Variants in LINGO2 observed in about 807,000 individuals in gnomAD.
LINGO2 encodes the protein leucine-rich repeat and immunoglobulin-like domain-containing nogo receptor-interacting protein 2.
A neutral mutation model predicts 30.6 loss-of-function variants in LINGO2; 14 were observed. The observed-to-expected ratio is 0.46, with a 90% confidence interval of 0.30 to 0.72. The LOEUF (loss-of-function observed/expected upper bound fraction) is 0.72, where lower values mean the gene tolerates loss of function less well. Among genes scored for constraint, LINGO2 ranks in the 30% least tolerant of loss-of-function variants. The pLI, the probability that LINGO2 is intolerant of heterozygous loss-of-function variation, is 0.07. For missense variants in LINGO2, 729 were observed against 751.7 expected (o/e 0.97, Z 0.35); for synonymous variants, 317 against 288.5 (o/e 1.10, Z -1.00).
intron 1 of LINGO2, among the ~76,000 whole-genome samples, chr9:28,656,938 T>G (rs750238788): frequency 1.3e-5 from 2 of 152,092 alleles, no homozygotes; most frequent in Non-Finnish European, 2.9e-5. Flanking sequence ...CAAATAACTC[T>G]GCGGATAGAT....
intron 5 of LINGO2, among the ~76,000 whole-genome samples, chr9:27,976,754 A>G (rs554149811): frequency 4.5e-4 from 68 of 152,210 alleles, no homozygotes; most frequent in Admixed American, 7.2e-4. Context: ...ATTAAGTTTT[A>G]GGAAGGTGAT....
chr9:28,214,680 C>G (rs1407732076), intron 4 of LINGO2, among the ~76,000 whole-genome samples: 4 of 151,488 alleles, frequency 2.6e-5, no homozygotes, highest in Non-Finnish European at 5.9e-5. Context: ...ACTAATGTAG[C>G]TATTTTATAT....
chr9:29,068,965 A>G, the LINGO2 span, among the ~76,000 whole-genome samples: 1 of 151,894 alleles, frequency 6.6e-6, no homozygotes, highest in African/African-American at 2.4e-5. Flanking sequence ...ATCTAGAACC[A>G]AAAAAGGTTC....
the LINGO2 span, among the ~76,000 whole-genome samples, chr9:28,810,236 T>C: frequency 9.8e-5 from 15 of 152,324 alleles, no homozygotes; most frequent in Non-Finnish European, 1.5e-4. Context: ...TGTGTTTTAT[T>C]TGCATGGTGA....
chr9:28,503,390 T>C (rs1004724573), intron 1 of LINGO2, among the ~76,000 whole-genome samples: 1 of 152,088 alleles, frequency 6.6e-6, no homozygotes, highest in African/African-American at 2.4e-5. Context: ...TTAAAAAGTC[T>C]ATTGATTGTG....
intron 1 of LINGO2, among the ~76,000 whole-genome samples, chr9:28,486,167 C>T (rs7036530): frequency 0.021 from 3,249 of 152,148 alleles, 101 homozygotes; most frequent in East Asian, 0.099. Flanking sequence ...TCCAGCACGT[C>T]CAGACTACTG....
intron 3 of LINGO2, among the ~76,000 whole-genome samples, chr9:28,353,387 A>C (rs1224490031): frequency 1.7e-3 from 255 of 150,732 alleles, no homozygotes; most frequent in African/African-American, 5.9e-3. Flanking sequence ...ATGCAGCCAA[A>C]AAACACATGA....
the LINGO2 span, among the ~76,000 whole-genome samples, chr9:28,953,755 G>T: frequency 6.6e-6 from 1 of 152,118 alleles, no homozygotes; most frequent in East Asian, 1.9e-4. Flanking sequence ...ATACTTCTTT[G>T]ATAGCATAGC....
chr9:28,307,920 G>A (rs1824436740), intron 3 of LINGO2, among the ~76,000 whole-genome samples: 1 of 152,104 alleles, frequency 6.6e-6, no homozygotes, highest in East Asian at 1.9e-4. Flanking sequence ...ACTGCTCAAT[G>A]AAACAAAGGA....
the LINGO2 span, among the ~76,000 whole-genome samples, chr9:29,060,425 T>A: frequency 3.3e-5 from 5 of 152,052 alleles, no homozygotes; most frequent in African/African-American, 1.2e-4. Flanking sequence ...GATAAACTTC[T>A]GTGAAAACAA....
intron 3 of LINGO2, among the ~76,000 whole-genome samples, chr9:28,302,067 C>T (rs958274486): frequency 5.9e-5 from 9 of 152,124 alleles, no homozygotes; most frequent in African/African-American, 1.4e-4. Context: ...TATAAGATAT[C>T]TTGAAAGGAG....
At chr9:29,091,131 T>G in the LINGO2 span, among the ~76,000 whole-genome samples, 1 of 152,072 alleles carries the variant, frequency 6.6e-6, no homozygotes, top group Non-Finnish European at 1.5e-5. Flanking sequence ...AAATTTAGAC[T>G]CCTGACAATT....
At chr9:28,246,783 C>T (rs55877409) in intron 4 of LINGO2, among the ~76,000 whole-genome samples, 19,395 of 152,134 alleles carry the variant, frequency 0.13, 1,471 homozygotes, top group African/African-American at 0.22. Flanking sequence ...AGCTTCTGCA[C>T]AGCAAAAGAA....
At chr9:28,957,709 C>T in the LINGO2 span, among the ~76,000 whole-genome samples, 1 of 152,078 alleles carries the variant, frequency 6.6e-6, no homozygotes, top group Non-Finnish European at 1.5e-5. Context: ...GTTTATATCA[C>T]TTTATGTGGC....
chr9:28,619,797 A>C (rs769261514), intron 1 of LINGO2, among the ~76,000 whole-genome samples: 1 of 152,122 alleles, frequency 6.6e-6, no homozygotes, highest in Non-Finnish European at 1.5e-5. Flanking sequence ...TCTTTGAAAC[A>C]CAAAGCCAAA....
chr9:28,646,800 A>G (rs150566928), intron 1 of LINGO2, among the ~76,000 whole-genome samples: 39 of 152,248 alleles, frequency 2.6e-4, no homozygotes, highest in African/African-American at 8.4e-4. Context: ...ATAGCTTGGT[A>G]GCAGGATAAT....
chr9:28,489,270 A>G (rs1286575921), intron 1 of LINGO2, among the ~76,000 whole-genome samples: 1 of 152,114 alleles, frequency 6.6e-6, no homozygotes, highest in Non-Finnish European at 1.5e-5. Context: ...CCGGGTTTCA[A>G]GAGATTCTCC....
At chr9:28,307,159 A>G (rs1189118709) in intron 3 of LINGO2, among the ~76,000 whole-genome samples, 3 of 152,222 alleles carry the variant, frequency 2.0e-5, no homozygotes, top group Admixed American at 2.0e-4. Context: ...TCCCTGATGA[A>G]CATTGATGCA....
At chr9:29,050,204 T>C in the LINGO2 span, among the ~76,000 whole-genome samples, 1 of 152,124 alleles carries the variant, frequency 6.6e-6, no homozygotes. Context: ...TTTTGTATTT[T>C]AAGTAGAGAT....
Sources: allele counts gnomAD v4.1 joint callset (sites outside exome capture counted in the v4.1 genomes callset), GRCh38; gene constraint gnomAD v4.1.1; transcripts MANE v1.5; gene names NCBI Gene and HGNC (gene_info 2026-07-23, HGNC 2026-07-21).